PDCD6IP: variants seen among roughly 807,000 people sequenced by gnomAD.
PDCD6IP encodes the protein programmed cell death 6-interacting protein.
A neutral mutation model predicts 103.7 loss-of-function variants in PDCD6IP; 43 were observed. That is an observed-to-expected ratio of 0.41 (90% CI 0.32 to 0.53). PDCD6IP has a LOEUF of 0.53. Among genes scored for constraint, PDCD6IP ranks in the 20% least tolerant of loss-of-function variants. The probability of loss-of-function intolerance (pLI) is 0.16; values close to 1 mark genes in which losing one functional copy is unlikely to be tolerated. For synonymous variants in PDCD6IP, 354 were observed against 378.7 expected (o/e 0.93, Z 0.76); for missense variants, 871 against 1,036.7 (o/e 0.84, Z 2.20).
In PDCD6IP at chr3:33,813,603, A is replaced by T; in HGVS notation, c.309A>T (p.Ser103=). The T allele has an allele frequency of 6.2e-7, 1 of 1,607,802 alleles. No individual in the cohort carries two copies. Among genetic ancestry groups the T allele is most frequent in the South Asian group, 1.1e-5 (1 of 90,770 alleles). Residue 103 remains serine (S), a synonymous_variant, in exon 3 of 18, where the codon TCA becomes TCT. Transcript: ENST00000307296. ...GGAAGGATGCTTTCGATAAAGGTTC[A>T]CTTTTTGGAGGCTCTGTAAAACTGG... ...FTWKDAFDKG[S]LFGGSVKLAL... is the part of the protein sequence containing the mutation.
chr3:33,853,682 T>A (rs1440831182), intron 13 of PDCD6IP, among the ~76,000 whole-genome samples, 197 bp from the exon 14 acceptor site: 1 of 152,172 alleles, frequency 6.6e-6, no homozygotes, highest in African/African-American at 2.4e-5. Flanking sequence ...TTGACTCCTA[T>A]TGGATTTTTG....
At position 33,865,369 on chromosome 3, in the gene PDCD6IP, G is replaced by C; in HGVS notation, c.2371G>C (p.Gly791Arg). 5.0e-6 allele frequency: 8 copies of C among 1,600,602 alleles called. No homozygotes were observed. The highest frequency in any genetic ancestry group is 6.8e-6 in the Non-Finnish European group (8 of 1,174,194). ...TGCGCCAGCTCCATCACAAACGCCT[G>C]GCTCAGCTCCTCCTCCACAGGCGCA... ...TAAPAPSQTP[G>R]SAPPPQAQGP... The change falls in exon 17 of 18, where the codon GGC (glycine) becomes CGC (arginine). Residue 791 changes from glycine (G) to arginine (R), a missense_variant. This residue lies in a region of PDCD6IP where 202 missense variants were observed against 205.2 expected (regional missense o/e 0.98). Coordinates refer to ENST00000307296, the MANE Select transcript of PDCD6IP (RefSeq NM_013374.6).
At chr3:33,809,403 T>G (rs1032597834) in intron 1 of PDCD6IP, among the ~76,000 whole-genome samples, 1 of 152,212 alleles carries the variant, frequency 6.6e-6, no homozygotes, top group African/African-American at 2.4e-5. Flanking sequence ...AAGGAGAGCC[T>G]ATAATTTAGT....
intron 2 of PDCD6IP, among the ~76,000 whole-genome samples, chr3:33,813,101 A>G (rs1696755073): frequency 6.6e-6 from 1 of 152,212 alleles, no homozygotes; most frequent in African/African-American, 2.4e-5. Flanking sequence ...CAAAGTGAAT[A>G]TGTCTGTATA....
At chr3:33,832,804 T>C (rs1000571056) in intron 7 of PDCD6IP, among the ~76,000 whole-genome samples, 1 of 152,188 alleles carries the variant, frequency 6.6e-6, no homozygotes, top group African/African-American at 2.4e-5. Context: ...ATTTTTTGAA[T>C]TTTTCTGCCT....
chr3:33,828,568 A>G (rs1697179316), intron 6 of PDCD6IP: 1 of 205,612 alleles, frequency 4.9e-6, no homozygotes, highest in Admixed American at 5.9e-5. Flanking sequence ...CAAAATGTTG[A>G]CTTCATGGAT....
intron 3 of PDCD6IP, among the ~76,000 whole-genome samples, chr3:33,821,085 C>T (rs537144821): frequency 1.5e-4 from 23 of 152,104 alleles, no homozygotes; most frequent in African/African-American, 5.6e-4. Flanking sequence ...TAGCTCACTG[C>T]AGCCTTGAAC....
Position 33,822,064 on chromosome 3 carries a change from C to A in PDCD6IP, c.444C>A (p.Ile148=), listed in dbSNP as rs112654570. The change falls in exon 4 of 18, where the codon ATC becomes ATA. Residue 148 remains isoleucine, a synonymous_variant. Coordinates refer to ENST00000307296, the MANE Select transcript of PDCD6IP (RefSeq NM_013374.6). ...QNLDNDEGLK[I]AAKHYQFASG... is the part of the protein sequence containing the mutation. ...TGGATAATGATGAAGGATTGAAAAT[C>A]GCTGCTAAACATTACCAGGTATGCT... 1 of 1,613,864 alleles carries A rather than the reference C, an allele frequency of 6.2e-7. No individual in the cohort carries two copies. The highest frequency in any genetic ancestry group is 8.5e-7 in the Non-Finnish European group (1 of 1,179,946).
intron 15 of PDCD6IP, among the ~76,000 whole-genome samples, chr3:33,860,169 A>G (rs920377133): frequency 6.6e-6 from 1 of 152,246 alleles, no homozygotes; most frequent in Non-Finnish European, 1.5e-5. Flanking sequence ...GAATATCGTC[A>G]TTTAAAATAT....
In PDCD6IP at chr3:33,868,890, ATAAAG is replaced by A. The variant is rs1559803511; in HGVS notation, c.*2368_*2372del. The A allele has an allele frequency of 6.6e-6, 1 of 152,226 alleles. No individual in the cohort carries two copies. Among genetic ancestry groups the A allele is most frequent in the Admixed American group, 6.5e-5 (1 of 15,288 alleles). The allele number at this position is 152,226 out of a possible 1,614,324, so 9.4% of individuals were successfully genotyped here. A position where few individuals can be genotyped will look rare whatever the true frequency, so the allele number is the denominator to read the frequency against. ...ACTGTCTAATTTTTATCAGTCTGGT[ATAAAG>A]TATTGATCTAAGAGAACTCTCCCTG... On this transcript the variant is annotated 3_prime_UTR_variant, in exon 18 of 18. Transcript: ENST00000307296.
chr3:33,819,612 C>A (rs1450156558), intron 3 of PDCD6IP, among the ~76,000 whole-genome samples: 1 of 152,164 alleles, frequency 6.6e-6, no homozygotes, highest in African/African-American at 2.4e-5. Context: ...TAGGAGGCCA[C>A]CAAAGTACTG....
chr3:33,862,396 G>T (rs1438879990), intron 15 of PDCD6IP, among the ~76,000 whole-genome samples: 1 of 152,054 alleles, frequency 6.6e-6, no homozygotes. Context: ...TTTGGGACAT[G>T]TCATATTTAC....
intron 15 of PDCD6IP, among the ~76,000 whole-genome samples, chr3:33,863,436 C>T (rs1297485510): frequency 6.6e-6 from 1 of 152,184 alleles, no homozygotes; most frequent in African/African-American, 2.4e-5. Flanking sequence ...CCACCCCCTA[C>T]TCTTTCTTGA....
chr3:33,844,579 C>T (rs1697548493), intron 11 of PDCD6IP, among the ~76,000 whole-genome samples: 3 of 152,154 alleles, frequency 2.0e-5, no homozygotes, highest in Non-Finnish European at 4.4e-5. Context: ...CTCCAGGGCT[C>T]AGGCAATCCT....
rs568959906 is a variant in PDCD6IP, at chr3:33,812,146, T to A, written c.264+20T>A. ...AATCAGGTAAGTCATTAATTCTGTC[T>A]TAAAATTATATGGTAATAGCACCCA... On this transcript the variant is annotated intron_variant, in intron 2 of 17. Coordinates refer to ENST00000307296, the MANE Select transcript of PDCD6IP (RefSeq NM_013374.6). 4.8e-5 allele frequency: 76 copies of A among 1,596,744 alleles called. No individual in the cohort carries two copies. The South Asian group carries it at 7.7e-4, about 16-fold the overall frequency.
intron 4 of PDCD6IP, 85 bp downstream of exon 4, chr3:33,822,167 C>A: frequency 7.5e-7 from 1 of 1,340,492 alleles, no homozygotes; most frequent in Non-Finnish European, 1.1e-6. Context: ...TTTATAGATA[C>A]TTCTTACGCA....
chr3:33,844,187 A>G lies in PDCD6IP; in HGVS notation c.1435A>G (p.Thr479Ala). The G allele has an allele frequency of 6.2e-7, 1 of 1,604,458 alleles. No individual in the cohort carries two copies. The highest frequency in any genetic ancestry group is 2.3e-5 in the East Asian group (1 of 44,236). Residue 479 changes from threonine to alanine, a missense_variant, in exon 11 of 18, where the codon ACA (threonine) becomes GCA (alanine). Physicochemically the swap from Thr to Ala is moderately conservative, Grantham distance 58 (BLOSUM62 0). Coordinates refer to ENST00000307296, the MANE Select transcript of PDCD6IP (RefSeq NM_013374.6). Reference sequence around the variant, plus strand: ...AAAATTTAAGGAACGTTGGCAAAGGACACCATCCAATGAACTGTATAAGCC... The same window carrying G: ...AAAATTTAAGGAACGTTGGCAAAGGGCACCATCCAATGAACTGTATAAGCC... ...RAKFKERWQR[T>A]PSNELYKPLR...
In PDCD6IP at chr3:33,868,237, T is replaced by C. The variant is rs559486298; in HGVS notation, c.*1712T>C. 2.0e-5 allele frequency: 3 copies of C among 152,318 alleles called. No homozygotes were observed. In the South Asian group the frequency reaches 6.2e-4, roughly 32 times the overall value. The allele number at this position is 152,318 out of a possible 1,614,324, so 9.4% of individuals were successfully genotyped here. A position where few individuals can be genotyped will look rare whatever the true frequency, so the allele number is the denominator to read the frequency against. ...TTACTTGAGGTACTTTATACTAACA[T>C]AAGACAGTGAGAGTTAGAGGTATTA... On this transcript the variant is annotated 3_prime_UTR_variant, in exon 18 of 18. Transcript: ENST00000307296.
intron 12 of PDCD6IP, among the ~76,000 whole-genome samples, chr3:33,850,912 C>G (rs968242431): frequency 2.0e-5 from 3 of 152,106 alleles, no homozygotes; most frequent in African/African-American, 7.2e-5. Flanking sequence ...TTCCCTTCCC[C>G]CTTCCTTCCT....
Sources: gnomAD v4.1 joint callset for allele counts (sites outside exome capture counted in the v4.1 genomes callset) on GRCh38, gnomAD v4.1.1 for gene constraint, gnomAD v4.1.1 regional missense constraint, MANE v1.5 for transcripts, NCBI Gene and HGNC (gene_info 2026-07-23, HGNC 2026-07-21) for gene names.